The following CADM2 variants were observed in gnomAD, a reference collection of about 807,000 sequenced individuals.
CADM2 encodes the protein immunoglobulin superfamily member 4D.
Under a neutral mutation model 49.8 loss-of-function variants are expected in CADM2, and 12 were observed. That is an observed-to-expected ratio of 0.24 (90% confidence interval 0.15 to 0.39). CADM2 has a LOEUF of 0.39. CADM2 is among the 10% of genes least tolerant of loss of function. CADM2 has a pLI of 1.00. For synonymous variants in CADM2, 214 were observed against 175.4 expected (o/e 1.22, Z -1.74); for missense variants, 378 against 492.3 (o/e 0.77, Z 2.20).
chr3:85,822,584 A>G (rs2073652898), intron 3 of CADM2, among the ~76,000 whole-genome samples: 1 of 152,094 alleles, frequency 6.6e-6, no homozygotes, highest in Admixed American at 6.6e-5. Context: ...ACTCCATCTC[A>G]AATAAATAAA....
intron 7 of CADM2, among the ~76,000 whole-genome samples, chr3:85,951,705 T>C (rs1488398994): frequency 6.6e-6 from 1 of 151,050 alleles, no homozygotes; most frequent in Admixed American, 6.6e-5. Flanking sequence ...GCTTTAAAAT[T>C]GCCTTTGTCC....
intron 1 of CADM2, among the ~76,000 whole-genome samples, chr3:85,508,849 G>A (rs2040481087): frequency 6.6e-6 from 1 of 152,018 alleles, no homozygotes; most frequent in South Asian, 2.1e-4. Context: ...GTGTGTGTGT[G>A]TGTGTGTGTG....
At chr3:85,018,790 T>C (rs1405666493) in intron 1 of CADM2, among the ~76,000 whole-genome samples, 3 of 152,216 alleles carry the variant, frequency 2.0e-5, no homozygotes, top group Admixed American at 6.5e-5. Flanking sequence ...AAATAAATTC[T>C]GTCATTTAAT....
chr3:85,274,049 A>T (rs1296124288), intron 1 of CADM2, among the ~76,000 whole-genome samples: 1 of 151,528 alleles, frequency 6.6e-6, no homozygotes, highest in Admixed American at 6.6e-5. Context: ...ACTGGATCAA[A>T]TGCTGTTGCT....
chr3:85,776,081 T>C (rs1349499910), intron 2 of CADM2, among the ~76,000 whole-genome samples: 1 of 151,806 alleles, frequency 6.6e-6, no homozygotes, highest in Non-Finnish European at 1.5e-5. Flanking sequence ...ATAATGAGAA[T>C]ATATAAGAAA....
chr3:85,736,360 T>C (rs1190910853), intron 2 of CADM2, among the ~76,000 whole-genome samples: 3 of 152,152 alleles, frequency 2.0e-5, no homozygotes, highest in African/African-American at 7.2e-5. Context: ...AATGGTACAA[T>C]AAGATTCAAC....
chr3:85,732,447 C>T (rs377642991), intron 2 of CADM2, among the ~76,000 whole-genome samples: 4 of 152,212 alleles, frequency 2.6e-5, no homozygotes, highest in African/African-American at 9.6e-5. Context: ...TATTGTATTT[C>T]TGTAACACAT....
intron 1 of CADM2, among the ~76,000 whole-genome samples, chr3:85,272,573 G>T (rs993196676): frequency 1.3e-5 from 2 of 151,212 alleles, no homozygotes; most frequent in African/African-American, 4.8e-5. Flanking sequence ...ATTTATTTTA[G>T]ATTCATAATT....
At position 85,872,677 on chromosome 3, in the gene CADM2, T is replaced by A. The variant is rs540416957; in HGVS notation, c.239-10614T>A. On this transcript the variant is annotated intron_variant, in intron 3 of 9. Transcript: ENST00000383699. ...CATACATACAATGTATACATATTAT[T>A]GTATTTATATTTATACTTTATATAA... Among the ~76,000 whole-genome samples the A allele has an allele frequency of 6.8e-4, 101 of 149,544 alleles. 1 individual carries two copies. In the South Asian group the frequency reaches 7.1e-3, roughly 10 times the overall value.
intron 1 of CADM2, among the ~76,000 whole-genome samples, chr3:85,135,426 TTGTAA>T (rs561749081): frequency 6.6e-6 from 1 of 152,056 alleles, no homozygotes; most frequent in Non-Finnish European, 1.5e-5. Flanking sequence ...CAATATAATT[TTGTAA>T]TGTAAACATA....
intron 5 of CADM2, among the ~76,000 whole-genome samples, chr3:85,910,102 A>G (rs536002692): frequency 2.6e-5 from 4 of 152,318 alleles, no homozygotes; most frequent in South Asian, 4.1e-4. Flanking sequence ...TATGTGTCCA[A>G]TTAATATTAC....
At chr3:86,012,610 C>A (rs1271856026) in intron 8 of CADM2, 4 of 1,580,302 alleles carry the variant, frequency 2.5e-6, no homozygotes, top group African/African-American at 2.7e-5. Flanking sequence ...GCACGCAGTC[C>A]GACCTGGCCT....
At chr3:85,693,894 TAA>T (rs533492777) in intron 1 of CADM2, among the ~76,000 whole-genome samples, 3 of 76,468 alleles carry the variant, frequency 3.9e-5, no homozygotes, top group Admixed American at 1.5e-4. Flanking sequence ...AGACTCCCTC[TAA>T]AAAAAAAAAA....
chr3:85,504,983 C>G (rs908687408), intron 1 of CADM2, among the ~76,000 whole-genome samples: 1 of 152,132 alleles, frequency 6.6e-6, no homozygotes, highest in Non-Finnish European at 1.5e-5. Context: ...CGGGGCCCGC[C>G]AAGCCCACGC....
chr3:85,269,538 C>CT (rs199621043), intron 1 of CADM2, among the ~76,000 whole-genome samples: 32 of 151,458 alleles, frequency 2.1e-4, no homozygotes, highest in Admixed American at 1.3e-3. Flanking sequence ...CTCACAAACT[C>CT]TAAGTTCCTT....
At chr3:85,734,173 G>A (rs1390745153) in intron 2 of CADM2, among the ~76,000 whole-genome samples, 5 of 152,040 alleles carry the variant, frequency 3.3e-5, no homozygotes, top group Non-Finnish European at 7.4e-5. Flanking sequence ...CTGGCAAAGT[G>A]TACAATTAAA....
intron 8 of CADM2, among the ~76,000 whole-genome samples, chr3:85,976,190 A>C (rs1726760349): frequency 6.6e-6 from 1 of 151,530 alleles, no homozygotes. Context: ...CAAGGGATAA[A>C]ATGGGCTGCA....
At chr3:85,597,938 T>C (rs1003720559) in intron 1 of CADM2, among the ~76,000 whole-genome samples, 97 of 152,052 alleles carry the variant, frequency 6.4e-4, no homozygotes, top group Admixed American at 2.6e-4. Flanking sequence ...ACTCTAAACA[T>C]TTATTTTAAA....
chr3:85,995,014 T>TA (rs59038758), intron 8 of CADM2, among the ~76,000 whole-genome samples: 1,081 of 83,028 alleles, frequency 0.013, 21 homozygotes, highest in East Asian at 0.039. Context: ...TTCGATTTGT[T>TA]AAAAAAAAAA....
Sources: gnomAD v4.1 joint callset for allele counts (sites outside exome capture counted in the v4.1 genomes callset) on GRCh38, gnomAD v4.1.1 for gene constraint, MANE v1.5 for transcripts, NCBI Gene and HGNC (gene_info 2026-07-23, HGNC 2026-07-21) for gene names.